The following RHOJ variants were observed in gnomAD, a reference collection of about 807,000 sequenced individuals.
The protein encoded by RHOJ is rho-related GTP-binding protein RhoJ.
A neutral mutation model predicts 23.4 loss-of-function variants in RHOJ; 11 were observed. The ratio of observed to expected loss-of-function variants is 0.47; its 90% CI spans 0.30 to 0.78. RHOJ has a LOEUF of 0.78. RHOJ is among the 30% of genes least tolerant of loss of function. The probability of loss-of-function intolerance (pLI) is 0.08; values close to 1 mark genes in which losing one functional copy is unlikely to be tolerated. For missense variants in RHOJ, 254 were observed against 273.4 expected (o/e 0.93, Z 0.50); for synonymous variants, 102 against 102.7 (o/e 0.99, Z 0.04).
intron 1 of RHOJ, among the ~76,000 whole-genome samples, chr14:63,263,450 T>C (rs895992800): frequency 4.6e-5 from 7 of 152,298 alleles, no homozygotes; most frequent in Admixed American, 2.6e-4. Flanking sequence ...ATTTGATCTA[T>C]CTCTGGCTGT....
At chr14:63,234,661 A>G (rs1399129239) in intron 1 of RHOJ, among the ~76,000 whole-genome samples, 1 of 151,236 alleles carries the variant, frequency 6.6e-6, no homozygotes, top group Non-Finnish European at 1.5e-5. Context: ...ATATTTGAAC[A>G]TGAAAGAGTT....
At chr14:63,284,005 G>A (rs1881995396) in intron 4 of RHOJ, among the ~76,000 whole-genome samples, 3 of 152,060 alleles carry the variant, frequency 2.0e-5, no homozygotes, top group African/African-American at 7.2e-5. Flanking sequence ...AGCTTAAATC[G>A]GACTCCTCAT....
intron 1 of RHOJ, among the ~76,000 whole-genome samples, chr14:63,214,540 C>T (rs965358431): frequency 1.1e-4 from 16 of 152,152 alleles, no homozygotes; most frequent in African/African-American, 3.9e-4. Context: ...CCTTTAGTGC[C>T]TCTTGGAAAC....
intron 1 of RHOJ, among the ~76,000 whole-genome samples, chr14:63,222,960 TG>T (rs1490501880): frequency 6.6e-6 from 1 of 152,250 alleles, no homozygotes; most frequent in African/African-American, 2.4e-5. Flanking sequence ...TCTGTGTTTC[TG>T]GAGAACACAA....
Position 63,254,481 on chromosome 14 carries a change from C to T in RHOJ, c.179-14629C>T, listed in dbSNP as rs117272353. ...AGCCATCCATTCATTCAGCAAACCT[C>T]GTTGATTGAATACTCATTACTTGCA... On this transcript the variant is annotated intron_variant, in intron 1 of 4. Coordinates refer to ENST00000316754, the MANE Select transcript of RHOJ (RefSeq NM_020663.5). Among the ~76,000 whole-genome samples, 273 of 152,046 alleles carry T rather than the reference C, an allele frequency of 1.8e-3. 1 individual carries two copies. In the East Asian group the frequency reaches 0.034, roughly 19 times the overall value.
At chr14:63,253,938 C>T (rs369605852) in intron 1 of RHOJ, among the ~76,000 whole-genome samples, 5 of 152,256 alleles carry the variant, frequency 3.3e-5, no homozygotes, top group East Asian at 1.9e-4. Flanking sequence ...TCTGTCTCTT[C>T]GCTGGGAGTC....
chr14:63,207,290 A>G (rs1894133931), intron 1 of RHOJ, among the ~76,000 whole-genome samples: 1 of 152,040 alleles, frequency 6.6e-6, no homozygotes, highest in African/African-American at 2.4e-5. Flanking sequence ...TCAGCCTCCT[A>G]ACGTGCTGGG....
At chr14:63,228,705 A>G (rs1894639292) in intron 1 of RHOJ, among the ~76,000 whole-genome samples, 1 of 152,210 alleles carries the variant, frequency 6.6e-6, no homozygotes, top group African/African-American at 2.4e-5. Context: ...AGAATAAACA[A>G]AACTCTAAGA....
intron 1 of RHOJ, among the ~76,000 whole-genome samples, chr14:63,240,782 G>C (rs183422266): frequency 4.8e-4 from 73 of 152,264 alleles, no homozygotes; most frequent in Admixed American, 4.6e-3. Context: ...GTTATGTCAG[G>C]ATTTTCCCCA....
At chr14:63,237,136 C>T (rs777133788) in intron 1 of RHOJ, among the ~76,000 whole-genome samples, 1 of 152,070 alleles carries the variant, frequency 6.6e-6, no homozygotes, top group Non-Finnish European at 1.5e-5. Flanking sequence ...CTGTGCAGAA[C>T]TTTAATTCAA....
chr14:63,237,166 A>C (rs17824419), intron 1 of RHOJ, among the ~76,000 whole-genome samples: 10,915 of 152,182 alleles, frequency 0.072, 550 homozygotes, highest in East Asian at 0.21. Flanking sequence ...AATAGACAAA[A>C]GAAGATGTTT....
chr14:63,269,690 T>G (rs553599214), intron 2 of RHOJ, among the ~76,000 whole-genome samples: 2 of 151,856 alleles, frequency 1.3e-5, no homozygotes, highest in South Asian at 4.2e-4. Context: ...AAAATGAGAG[T>G]CAACCCTGAA....
At chr14:63,243,921 C>T (rs1894930173) in intron 1 of RHOJ, among the ~76,000 whole-genome samples, 1 of 152,146 alleles carries the variant, frequency 6.6e-6, no homozygotes, top group Admixed American at 6.6e-5. Context: ...GCAAAAGGCA[C>T]TCTTTCTGAT....
At chr14:63,262,745 G>C (rs756172862) in intron 1 of RHOJ, among the ~76,000 whole-genome samples, 1 of 152,188 alleles carries the variant, frequency 6.6e-6, no homozygotes, top group Non-Finnish European at 1.5e-5. Flanking sequence ...CTGTATATCT[G>C]CACTGTGTAT....
chr14:63,224,319 T>C (rs1360982320), intron 1 of RHOJ, among the ~76,000 whole-genome samples: 3 of 152,230 alleles, frequency 2.0e-5, no homozygotes, highest in Non-Finnish European at 4.4e-5. Flanking sequence ...GCAATATGAA[T>C]ACATGAGTGC....
In RHOJ at chr14:63,280,956, C is replaced by T; in HGVS notation, c.238-15C>T. ...TTACACAGGCTGTACAAACCCTTGTCTGCTCTTCCCACAGGAGGACTACAA... is the reference window on the plus strand; with the variant it reads ...TTACACAGGCTGTACAAACCCTTGTTTGCTCTTCCCACAGGAGGACTACAA... On this transcript the variant is annotated splice_polypyrimidine_tract_variant and intron_variant, in intron 2 of 4. Coordinates refer to ENST00000316754, the MANE Select transcript of RHOJ (RefSeq NM_020663.5). 1 of 1,607,318 alleles carries T rather than the reference C, an allele frequency of 6.2e-7. No homozygotes were observed. The highest frequency in any genetic ancestry group is 8.5e-7 in the Non-Finnish European group (1 of 1,176,666).
intron 2 of RHOJ, among the ~76,000 whole-genome samples, chr14:63,279,656 G>C (rs1881839088): frequency 6.6e-6 from 1 of 152,152 alleles, no homozygotes; most frequent in Admixed American, 6.5e-5. Context: ...TCTTCCATGA[G>C]CATATTCTGC....
At chr14:63,275,141 G>A (rs1372905807) in intron 2 of RHOJ, among the ~76,000 whole-genome samples, 4 of 151,958 alleles carry the variant, frequency 2.6e-5, no homozygotes, top group Admixed American at 1.3e-4. Flanking sequence ...GCAACATAGC[G>A]AGACCCTATC....
chr14:63,224,387 G>A (rs1052932593), intron 1 of RHOJ, among the ~76,000 whole-genome samples: 3 of 152,158 alleles, frequency 2.0e-5, no homozygotes, highest in Non-Finnish European at 4.4e-5. Flanking sequence ...TCATGCGCAC[G>A]GTCTTGTTCC....
Sources: allele counts gnomAD v4.1 joint callset (sites outside exome capture counted in the v4.1 genomes callset), GRCh38; gene constraint gnomAD v4.1.1; transcripts MANE v1.5; gene names NCBI Gene and HGNC (gene_info 2026-07-23, HGNC 2026-07-21).